CTNNA3: variants seen among roughly 807,000 people sequenced by gnomAD.
CTNNA3 encodes catenin alpha 3, also known as catenin alpha-3.
Under a neutral mutation model 95.7 loss-of-function variants are expected in CTNNA3, and 76 were observed. The observed-to-expected ratio is 0.79, with a 90% CI of 0.66 to 0.96. CTNNA3 has a LOEUF of 0.96. Ranked by LOEUF, CTNNA3 falls within the 40% of genes least tolerant of loss-of-function variation. CTNNA3 has a pLI of 0.00. For missense variants in CTNNA3, 1,191 were observed against 1,089.8 expected (o/e 1.09, Z -1.31); for synonymous variants, 431 against 374.4 (o/e 1.15, Z -1.74).
At chr10:66,875,922 T>A (rs1844602446) in intron 7 of CTNNA3, among the ~76,000 whole-genome samples, 1 of 152,148 alleles carries the variant, frequency 6.6e-6, no homozygotes, top group Admixed American at 6.5e-5. Flanking sequence ...TGTTTTTCAG[T>A]GTCAGGTGCC....
At chr10:67,143,133 T>C (rs2394332) in intron 7 of CTNNA3, among the ~76,000 whole-genome samples, 93,851 of 151,404 alleles carry the variant, frequency 0.62, 29,639 homozygotes, top group African/African-American at 0.74. Flanking sequence ...ATTGACTCTT[T>C]CTTTCACAAA....
chr10:66,037,861 T>C (rs534089578), intron 15 of CTNNA3, among the ~76,000 whole-genome samples: 2 of 152,334 alleles, frequency 1.3e-5, no homozygotes, highest in South Asian at 2.1e-4. Context: ...AGTTTTTTTT[T>C]CTTTTATACC....
At chr10:66,458,303 T>C (rs1328805396) in intron 11 of CTNNA3, among the ~76,000 whole-genome samples, 1 of 152,188 alleles carries the variant, frequency 6.6e-6, no homozygotes, top group Non-Finnish European at 1.5e-5. Context: ...ATTATTGATA[T>C]ACTCAACGCC....
chr10:66,914,809 C>A (rs1846401687), intron 7 of CTNNA3, among the ~76,000 whole-genome samples: 1 of 152,254 alleles, frequency 6.6e-6, no homozygotes, highest in South Asian at 2.1e-4. Context: ...ATAGACAATG[C>A]ATAAAAGAAT....
chr10:67,524,698 G>C (rs560959874), intron 4 of CTNNA3, among the ~76,000 whole-genome samples: 98 of 152,158 alleles, frequency 6.4e-4, no homozygotes, highest in Non-Finnish European at 1.2e-3. Flanking sequence ...AATTGTCAAG[G>C]AGAGGTCATA....
In CTNNA3 at chr10:67,146,601, G is replaced by A. The variant is rs147791471; in HGVS notation, c.1047+33716C>T. 3.9e-4 allele frequency among the ~76,000 whole-genome samples: 59 copies of A among 152,270 alleles called. No homozygotes were observed. The East Asian group carries it at 5.2e-3, about 13-fold the overall frequency. ...GGACTCTCAATTATGGGCAAATAACGTTCATTCTGTATAAAGGTAAGTACA... is the reference window on the plus strand; with the variant it reads ...GGACTCTCAATTATGGGCAAATAACATTCATTCTGTATAAAGGTAAGTACA... On this transcript the variant is annotated intron_variant, in intron 7 of 17. Transcript: ENST00000433211.
chr10:66,648,207 C>G (rs1427450106), intron 9 of CTNNA3, among the ~76,000 whole-genome samples: 1 of 152,082 alleles, frequency 6.6e-6, no homozygotes, highest in Non-Finnish European at 1.5e-5. Context: ...AAAAGCCTTC[C>G]ACTTGTGTCC....
intron 10 of CTNNA3, among the ~76,000 whole-genome samples, chr10:66,576,138 A>G (rs1842996269): frequency 6.6e-6 from 1 of 152,102 alleles, no homozygotes; most frequent in Non-Finnish European, 1.5e-5. Flanking sequence ...TGGCATTAAT[A>G]AAGATATCTT....
chr10:66,517,167 G>A lies in CTNNA3; in HGVS notation c.1531+3450C>T, dbSNP rs148407313. On this transcript the variant is annotated intron_variant, in intron 11 of 17. Transcript: ENST00000433211. ...AATCCGGGAGGTGGAGTTGCAGTGA[G>A]CCAAGATTGCGCCACTGCACTCAAG... 4.6e-3 allele frequency among the ~76,000 whole-genome samples: 698 copies of A among 152,182 alleles called. 5 individuals carry two copies. Among genetic ancestry groups the A allele is most frequent in the Middle Eastern group, 0.02 (6 of 294 alleles).
chr10:67,558,479 G>T (rs1305267921), intron 3 of CTNNA3, among the ~76,000 whole-genome samples: 1 of 152,176 alleles, frequency 6.6e-6, no homozygotes, highest in South Asian at 2.1e-4. Context: ...TTCTGAAAAA[G>T]CATGAAACTA....
At chr10:67,700,934 A>G (rs1024794403), upstream of CTNNA3, among the ~76,000 whole-genome samples, 3 of 152,208 alleles carry the variant, frequency 2.0e-5, no homozygotes, top group African/African-American at 7.2e-5. Context: ...TGCTTAAAGG[A>G]GCTGATGGAG....
chr10:67,381,438 C>T (rs1051467105), intron 5 of CTNNA3, among the ~76,000 whole-genome samples: 1 of 152,114 alleles, frequency 6.6e-6, no homozygotes, highest in Admixed American at 6.5e-5. Flanking sequence ...CTCTGCTCCA[C>T]AGCCTTCTGA....
intron 5 of CTNNA3, among the ~76,000 whole-genome samples, chr10:67,229,004 G>A (rs112530491): frequency 0.032 from 4,916 of 152,100 alleles, 182 homozygotes; most frequent in South Asian, 0.18. Flanking sequence ...AACCAGGAAA[G>A]GACATAAACA....
At chr10:67,029,411 G>A (rs1350888887) in intron 7 of CTNNA3, among the ~76,000 whole-genome samples, 1 of 152,134 alleles carries the variant, frequency 6.6e-6, no homozygotes, top group Non-Finnish European at 1.5e-5. Flanking sequence ...ATAAAGAGAG[G>A]TTAAAGCAGT....
intron 15 of CTNNA3, among the ~76,000 whole-genome samples, chr10:66,037,606 G>A (rs1293568505): frequency 6.6e-6 from 1 of 152,180 alleles, no homozygotes; most frequent in Non-Finnish European, 1.5e-5. Context: ...CTTTGCCAGT[G>A]CACTACCTGG....
intron 15 of CTNNA3, among the ~76,000 whole-genome samples, chr10:66,031,518 G>T (rs2133458024): frequency 6.6e-6 from 1 of 152,216 alleles, no homozygotes; most frequent in Admixed American, 6.5e-5. Flanking sequence ...GGGACACATG[G>T]ACATAAAGAT....
intron 9 of CTNNA3, among the ~76,000 whole-genome samples, chr10:66,740,033 A>G (rs1018597982): frequency 5.3e-5 from 8 of 152,334 alleles, no homozygotes; most frequent in South Asian, 2.1e-4. Flanking sequence ...GGCCAGATTC[A>G]GATCATTTGG....
At chr10:67,303,521 A>G (rs1840414173) in intron 5 of CTNNA3, among the ~76,000 whole-genome samples, 2 of 152,216 alleles carry the variant, frequency 1.3e-5, no homozygotes, top group Admixed American at 1.3e-4. Flanking sequence ...AACACACCCA[A>G]GTTTTGATAA....
intron 7 of CTNNA3, among the ~76,000 whole-genome samples, chr10:66,948,600 T>C (rs893153834): frequency 1.3e-5 from 2 of 152,206 alleles, no homozygotes; most frequent in Admixed American, 6.5e-5. Flanking sequence ...CCATAAGATA[T>C]AGCATGGCTC....
Sources: allele counts gnomAD v4.1 joint callset (sites outside exome capture counted in the v4.1 genomes callset), GRCh38; gene constraint gnomAD v4.1.1; transcripts MANE v1.5; gene names NCBI Gene and HGNC (gene_info 2026-07-23, HGNC 2026-07-21).